The following RERE variants were observed in gnomAD, a reference collection of about 807,000 sequenced individuals.
RERE encodes arginine-glutamic acid dipeptide repeats protein.
Under a neutral mutation model 146.1 loss-of-function variants are expected in RERE, and 40 were observed. The ratio of observed to expected loss-of-function variants is 0.27; its 90% CI spans 0.21 to 0.36. The LOEUF (loss-of-function observed/expected upper bound fraction) is 0.36, where lower values mean the gene tolerates loss of function less well. RERE is among the 10% of genes least tolerant of loss of function. The pLI is 1.00. For synonymous variants in RERE, 1,003 were observed against 866.0 expected, an observed-to-expected ratio of 1.16 and a Z score of -2.78; for missense variants, 1,933 against 2,138.7, an observed-to-expected ratio of 0.90 and a Z score of 1.90.
chr1:8,368,681 T>G (rs1641914902), intron 12 of RERE, among the ~76,000 whole-genome samples: 1 of 152,162 alleles, frequency 6.6e-6, no homozygotes, highest in Admixed American at 6.5e-5. Flanking sequence ...GCAATATTGC[T>G]ACACACAGTT....
chr1:8,503,103 T>A (rs1353136690), intron 8 of RERE, among the ~76,000 whole-genome samples: 8 of 145,008 alleles, frequency 5.5e-5, no homozygotes, highest in African/African-American at 2.1e-4. Flanking sequence ...AATAAATAAA[T>A]AAATAAATAA....
At chr1:8,754,164 A>C (rs1557522226) in intron 1 of RERE, among the ~76,000 whole-genome samples, 1 of 152,036 alleles carries the variant, frequency 6.6e-6, no homozygotes, top group Non-Finnish European at 1.5e-5. Flanking sequence ...TTTAAGCCCT[A>C]ATATGTGTTA....
At position 8,710,851 on chromosome 1, in the gene RERE, G is replaced by A. The variant is rs561543668; in HGVS notation, c.-144-54410C>T. Among the ~76,000 whole-genome samples, 4 of 152,082 alleles carry A rather than the reference G, an allele frequency of 2.6e-5. No homozygotes were observed. In the South Asian group the frequency reaches 6.2e-4, roughly 24 times the overall value. On this transcript the variant is annotated intron_variant, in intron 1 of 22. Transcript: ENST00000400908. ...CATATTTAAGAGTGATAGGCCAGGC[G>A]GAGTAGCTTACACCTGTAAACTACT...
Position 8,354,211 on chromosome 1 carries a change from G to A in RERE, c.*876C>T, listed in dbSNP as rs1641203745. The A allele has an allele frequency of 6.6e-6, 1 of 152,544 alleles. No homozygotes were observed. The highest frequency in any genetic ancestry group is 2.4e-5 in the African/African-American group (1 of 41,446). The allele number at this position is 152,544 out of a possible 1,614,324, so 9.4% of individuals were successfully genotyped here. A position where few individuals can be genotyped will look rare whatever the true frequency, so the allele number is the denominator to read the frequency against. On this transcript the variant is annotated 3_prime_UTR_variant, in exon 23 of 23. Coordinates refer to ENST00000400908, the MANE Select transcript of RERE (RefSeq NM_001042681.2). ...ACCTCCTGCACTCCCTGTGCAAAAT[G>A]GAAGAGGTCTGATGGAGCAGATGTC...
At chr1:8,710,604 C>T (rs888052338) in intron 1 of RERE, among the ~76,000 whole-genome samples, 3 of 152,144 alleles carry the variant, frequency 2.0e-5, no homozygotes, top group African/African-American at 2.4e-5. Context: ...TTGCAAGCTC[C>T]GCCTCCCAGG....
chr1:8,704,723 A>G lies in RERE; in HGVS notation c.-144-48282T>C, dbSNP rs576976772. Among the ~76,000 whole-genome samples, 4 of 152,380 alleles carry G rather than the reference A, an allele frequency of 2.6e-5. No individual in the cohort carries two copies. The South Asian group carries it at 8.3e-4, about 32-fold the overall frequency. ...AGATAACTCTGCTGGTCTCTCTTTAAAGACAAATCAAGTTATTCTACAGGA... is the reference window on the plus strand; with the variant it reads ...AGATAACTCTGCTGGTCTCTCTTTAGAGACAAATCAAGTTATTCTACAGGA... On this transcript the variant is annotated intron_variant, in intron 1 of 22. Transcript: ENST00000400908.
At chr1:8,737,891 A>T (rs929009859) in intron 1 of RERE, among the ~76,000 whole-genome samples, 1 of 152,250 alleles carries the variant, frequency 6.6e-6, no homozygotes, top group African/African-American at 2.4e-5. Flanking sequence ...CAAAGTTTTA[A>T]ATCATTTTAG....
At chr1:8,646,556 CA>C (rs568370827) in intron 2 of RERE, among the ~76,000 whole-genome samples, 8 of 144,208 alleles carry the variant, frequency 5.5e-5, no homozygotes, top group Non-Finnish European at 3.1e-5. Context: ...AACAAACAAA[CA>C]AAAAAAAAAC....
intron 1 of RERE, among the ~76,000 whole-genome samples, chr1:8,662,647 T>C (rs953946496): frequency 2.0e-5 from 3 of 152,140 alleles, no homozygotes; most frequent in South Asian, 2.1e-4. Flanking sequence ...CAATGGGCTG[T>C]GATCACCACC....
At chr1:8,519,811 A>G (rs774733603) in intron 7 of RERE, 4 of 152,142 alleles carry the variant, frequency 2.6e-5, no homozygotes, top group Non-Finnish European at 5.9e-5. Flanking sequence ...ACATGCGGGT[A>G]AGAACTAAAA....
At chr1:8,767,632 A>G (rs2124540829) in intron 1 of RERE, among the ~76,000 whole-genome samples, 1 of 151,784 alleles carries the variant, frequency 6.6e-6, no homozygotes, top group South Asian at 2.1e-4. Flanking sequence ...AAGAAAAAAA[A>G]TGCTGCTTAT....
chr1:8,355,069 C>T lies in RERE; in HGVS notation c.*18G>A, dbSNP rs138300238. On this transcript the variant is annotated 3_prime_UTR_variant, in exon 23 of 23. Transcript: ENST00000400908. ...CAAGAACTGGGGTTTCCACAGCCAG[C>T]GTTAACAAATAAATAACTTATAACT... 47 of 1,610,842 alleles carry T rather than the reference C, an allele frequency of 2.9e-5. No individual in the cohort carries two copies. Among genetic ancestry groups the T allele is most frequent in the Admixed American group, 1.2e-4 (7 of 59,954 alleles).
Position 8,361,220 on chromosome 1 carries a change from T to C in RERE, c.2287A>G (p.Thr763Ala), listed in dbSNP as rs1448121329. Residue 763 changes from threonine (T) to alanine (A), a missense_variant, in exon 18 of 23, where the codon ACG becomes GCG. Transcript: ENST00000400908. ...SAPPGTPQLP[T>A]PGPTPSATAV... ...GTGGCAGAGGGCGTGGGCCCTGGCG[T>C]GGGCAGCTGAGGGGTCCCTGGAGGA... 1 of 1,530,122 alleles carries C rather than the reference T, an allele frequency of 6.5e-7. No individual in the cohort carries two copies. The highest frequency in any genetic ancestry group is 2.3e-5 in the East Asian group (1 of 44,054). The allele number at this position is 1,530,122 out of a possible 1,614,324, so 94.8% of individuals were successfully genotyped here.
intron 1 of RERE, among the ~76,000 whole-genome samples, chr1:8,810,620 T>C (rs1230147490): frequency 6.6e-6 from 1 of 152,074 alleles, no homozygotes; most frequent in African/African-American, 2.4e-5. Flanking sequence ...AAATTTAAAT[T>C]TAAATTAAAA....
chr1:8,517,843 G>A (rs879702404), intron 7 of RERE, among the ~76,000 whole-genome samples: 9 of 152,146 alleles, frequency 5.9e-5, no homozygotes, highest in Non-Finnish European at 1.0e-4. Context: ...CCATGGAAAC[G>A]TTTTATTCTA....
intron 4 of RERE, among the ~76,000 whole-genome samples, chr1:8,564,585 C>T (rs1198556526): frequency 4.6e-5 from 7 of 152,050 alleles, no homozygotes; most frequent in South Asian, 4.1e-4. Flanking sequence ...GTCATAGTTA[C>T]CCAACTTCAT....
intron 1 of RERE, among the ~76,000 whole-genome samples, chr1:8,781,554 A>G (rs79608829): frequency 0.023 from 3,488 of 151,602 alleles, 130 homozygotes; most frequent in African/African-American, 0.079. Flanking sequence ...AAAATAAAAT[A>G]AAACTCTGCT....
intron 1 of RERE, among the ~76,000 whole-genome samples, chr1:8,756,953 T>C (rs946094546): frequency 1.3e-5 from 2 of 151,956 alleles, no homozygotes; most frequent in African/African-American, 4.8e-5. Flanking sequence ...TAGTCAGGCA[T>C]GGTAGTGCAT....
intron 8 of RERE, among the ~76,000 whole-genome samples, chr1:8,498,706 A>T (rs868563088): frequency 5.3e-5 from 7 of 132,280 alleles, no homozygotes; most frequent in South Asian, 2.3e-4. Context: ...AAAAAAAAAA[A>T]AAATAAAAAA....
Sources: gnomAD v4.1 joint callset for allele counts (sites outside exome capture counted in the v4.1 genomes callset) on GRCh38, gnomAD v4.1.1 for gene constraint, MANE v1.5 for transcripts, NCBI Gene and HGNC (gene_info 2026-07-23, HGNC 2026-07-21) for gene names.